RBFOX1: variants seen among roughly 807,000 people sequenced by gnomAD.
RBFOX1 encodes RNA binding protein fox-1 homolog 1.
RBFOX1 carries 8 observed loss-of-function variants against 57.7 expected under a neutral mutation model. The observed-to-expected ratio is 0.14, with a 90% confidence interval of 0.08 to 0.25. RBFOX1 has a LOEUF of 0.25. Ranked by LOEUF, RBFOX1 falls within the 10% of genes least tolerant of loss-of-function variation. The pLI, the probability that RBFOX1 is intolerant of heterozygous loss-of-function variation, is 1.00. For synonymous variants in RBFOX1, 326 were observed against 222.4 expected (o/e 1.47, Z -4.15); for missense variants, 611 against 548.5 (o/e 1.11, Z -1.14).
At chr16:7,696,909 C>G (rs947547711) in intron 14 of RBFOX1, among the ~76,000 whole-genome samples, 1 of 152,086 alleles carries the variant, frequency 6.6e-6, no homozygotes, top group Admixed American at 6.6e-5. Flanking sequence ...TTGAGACATA[C>G]TTGAGGTGTC....
intron 2 of RBFOX1, among the ~76,000 whole-genome samples, chr16:6,568,111 A>G (rs1337389883): frequency 6.6e-6 from 1 of 152,212 alleles, no homozygotes; most frequent in Non-Finnish European, 1.5e-5. Context: ...AATGACATGT[A>G]TTAGTTATCT....
At chr16:6,914,847 C>A (rs914026913) in intron 3 of RBFOX1, among the ~76,000 whole-genome samples, 1 of 152,342 alleles carries the variant, frequency 6.6e-6, no homozygotes, top group South Asian at 2.1e-4. Flanking sequence ...AAGATCGCAA[C>A]ATTGTGTTCC....
Position 6,798,184 on chromosome 16 carries a change from C to T in RBFOX1, c.-16+143534C>T, listed in dbSNP as rs941374433. Among the ~76,000 whole-genome samples the T allele has an allele frequency of 2.6e-5, 4 of 152,264 alleles. 1 individual carries two copies. The South Asian group carries it at 6.2e-4, about 24-fold the overall frequency. On this transcript the variant is annotated intron_variant, in intron 3 of 15. Transcript: ENST00000550418. Reference sequence around the variant, plus strand: ...AAGCAGGGCGTTTCTAGTCTCTTCTCTGGTCGTGTCCCTAAGAGAAACTGG... The same window carrying T: ...AAGCAGGGCGTTTCTAGTCTCTTCTTTGGTCGTGTCCCTAAGAGAAACTGG...
At chr16:5,961,289 A>AT (rs916427448) in intron 4 of RBFOX1, among the ~76,000 whole-genome samples, 43 of 152,286 alleles carry the variant, frequency 2.8e-4, no homozygotes, top group African/African-American at 1.0e-3. Context: ...TTAAGAATCC[A>AT]TTAGGTAAGT....
chr16:7,224,869 C>G (rs1439970614), intron 4 of RBFOX1, among the ~76,000 whole-genome samples: 1 of 152,142 alleles, frequency 6.6e-6, no homozygotes, highest in Non-Finnish European at 1.5e-5. Context: ...AGAATGTGCA[C>G]TTTACCACGA....
At chr16:5,677,527 A>G (rs78399637) in intron 3 of RBFOX1, among the ~76,000 whole-genome samples, 2,228 of 152,256 alleles carry the variant, frequency 0.015, 72 homozygotes, top group African/African-American at 0.05. Context: ...TGTTGCTTTG[A>G]TTTGAAGTCA....
intron 2 of RBFOX1, among the ~76,000 whole-genome samples, chr16:6,553,966 G>T (rs962213701): frequency 6.6e-6 from 1 of 152,254 alleles, no homozygotes; most frequent in South Asian, 2.1e-4. Context: ...AGGTACCAGG[G>T]TTTATTCATT....
intron 1 of RBFOX1, among the ~76,000 whole-genome samples, chr16:6,154,932 T>C (rs1280480344): frequency 1.3e-5 from 2 of 152,238 alleles, no homozygotes; most frequent in African/African-American, 2.4e-5. Flanking sequence ...AGCAAGCAAC[T>C]ATATTTTATA....
chr16:6,903,303 G>A (rs935750370), intron 3 of RBFOX1, among the ~76,000 whole-genome samples: 10 of 152,124 alleles, frequency 6.6e-5, no homozygotes, highest in Non-Finnish European at 1.2e-4. Flanking sequence ...TTCCTAGAGA[G>A]GTCAGCAGCC....
At chr16:6,051,658 G>T (rs1042878432) in intron 1 of RBFOX1, among the ~76,000 whole-genome samples, 2 of 152,128 alleles carry the variant, frequency 1.3e-5, no homozygotes, top group South Asian at 4.1e-4. Flanking sequence ...CTGCCTCTCA[G>T]GTTCAAGCAA....
At chr16:6,924,487 C>G (rs1567904346) in intron 3 of RBFOX1, among the ~76,000 whole-genome samples, 1 of 151,930 alleles carries the variant, frequency 6.6e-6, no homozygotes, top group Non-Finnish European at 1.5e-5. Flanking sequence ...GGAAGCCACC[C>G]CCATAACTCA....
chr16:7,708,855 C>A (rs2083350683), intron 14 of RBFOX1, among the ~76,000 whole-genome samples: 1 of 151,896 alleles, frequency 6.6e-6, no homozygotes, highest in Admixed American at 6.6e-5. Context: ...TCAAACATAG[C>A]AATAGCAACC....
At chr16:6,896,943 C>A (rs570330422) in intron 3 of RBFOX1, among the ~76,000 whole-genome samples, 28 of 152,220 alleles carry the variant, frequency 1.8e-4, no homozygotes, top group Admixed American at 1.1e-3. Flanking sequence ...AGAAACTCTG[C>A]CACAACTCAG....
intron 4 of RBFOX1, among the ~76,000 whole-genome samples, chr16:7,069,495 GCTTCATCTATGTC>G (rs2056872238): frequency 6.6e-6 from 1 of 152,180 alleles, no homozygotes; most frequent in Non-Finnish European, 1.5e-5. Flanking sequence ...ATGGCTTCCA[GCTTCATCTATGTC>G]CTTGCAAAAG....
intron 14 of RBFOX1, among the ~76,000 whole-genome samples, chr16:7,692,954 T>G (rs2077697834): frequency 6.6e-6 from 1 of 152,148 alleles, no homozygotes; most frequent in South Asian, 2.1e-4. Flanking sequence ...TATACCCTAT[T>G]TCTTAATCAT....
intron 1 of RBFOX1, among the ~76,000 whole-genome samples, chr16:6,084,982 C>G (rs1212015016): frequency 1.3e-5 from 2 of 152,148 alleles, no homozygotes; most frequent in Admixed American, 6.6e-5. Context: ...AGTTCATTTG[C>G]AGAAGTGGTT....
At chr16:6,003,948 A>G (rs949805427) in intron 4 of RBFOX1, among the ~76,000 whole-genome samples, 2 of 152,202 alleles carry the variant, frequency 1.3e-5, no homozygotes, top group Non-Finnish European at 2.9e-5. Context: ...TTGAAATGCT[A>G]ATTTTAGAAA....
At chr16:6,052,663 A>G (rs2095565355) in intron 1 of RBFOX1, among the ~76,000 whole-genome samples, 1 of 151,938 alleles carries the variant, frequency 6.6e-6, no homozygotes, top group African/African-American at 2.4e-5. Context: ...GGGCGCCTGT[A>G]GTCCCAGCTA....
intron 2 of RBFOX1, among the ~76,000 whole-genome samples, chr16:6,419,468 G>A (rs2093715548): frequency 6.6e-6 from 1 of 152,196 alleles, no homozygotes; most frequent in African/African-American, 2.4e-5. Flanking sequence ...ACAAGACAGT[G>A]CTAAGAAAGG....
Sources: allele counts gnomAD v4.1 joint callset (sites outside exome capture counted in the v4.1 genomes callset), GRCh38; gene constraint gnomAD v4.1.1; transcripts MANE v1.5; gene names NCBI Gene and HGNC (gene_info 2026-07-23, HGNC 2026-07-21).